TRPM6: variants seen among roughly 807,000 people sequenced by gnomAD.
TRPM6 encodes the protein channel kinase 2.
TRPM6 carries 111 observed loss-of-function variants against 247.6 expected under a neutral mutation model. The ratio of observed to expected loss-of-function variants is 0.45; its 90% CI spans 0.38 to 0.52. The LOEUF is 0.52. Ranked by LOEUF, TRPM6 falls within the 20% of genes least tolerant of loss-of-function variation. The pLI is 0.00. For synonymous variants in TRPM6, 892 were observed against 853.8 expected (o/e 1.04, Z -0.78); for missense variants, 2,126 against 2,421.5 (o/e 0.88, Z 2.56).
chr9:74,749,631 A>G (rs1826171604), intron 30 of TRPM6, among the ~76,000 whole-genome samples: 1 of 152,240 alleles, frequency 6.6e-6, no homozygotes, highest in South Asian at 2.1e-4. Flanking sequence ...TGCCCTGCTC[A>G]AATGCACAAG....
intron 6 of TRPM6, among the ~76,000 whole-genome samples, chr9:74,833,046 G>A (rs978614129): frequency 2.7e-5 from 4 of 149,110 alleles, no homozygotes; most frequent in South Asian, 2.1e-4. Context: ...GCGAGACTCC[G>A]TCTCAGGAAA....
intron 19 of TRPM6, among the ~76,000 whole-genome samples, chr9:74,792,125 T>A (rs1431561487): frequency 6.6e-6 from 1 of 152,224 alleles, no homozygotes; most frequent in African/African-American, 2.4e-5. Context: ...GCTATTAATT[T>A]GGTTGTTCCA....
intron 14 of TRPM6, chr9:74,804,464 A>G (rs1429541724): frequency 1.6e-6 from 1 of 620,556 alleles, no homozygotes; most frequent in African/African-American, 1.8e-5. Flanking sequence ...AAAATATGAT[A>G]AAAACCATAA....
chr9:74,865,491 C>T (rs978627907), intron 1 of TRPM6, among the ~76,000 whole-genome samples: 1 of 152,044 alleles, frequency 6.6e-6, no homozygotes, highest in Non-Finnish European at 1.5e-5. Context: ...TACAACTGTC[C>T]CTCGATAGTA....
At chr9:74,866,313 C>T (rs977522549) in intron 1 of TRPM6, among the ~76,000 whole-genome samples, 1 of 152,058 alleles carries the variant, frequency 6.6e-6, no homozygotes, top group African/African-American at 2.4e-5. Flanking sequence ...TTGGGGGACA[C>T]TCATACCACG....
intron 28 of TRPM6, among the ~76,000 whole-genome samples, chr9:74,754,449 T>C (rs537402105): frequency 1.3e-5 from 2 of 152,194 alleles, no homozygotes; most frequent in Admixed American, 1.3e-4. Flanking sequence ...CCCTGGCCTC[T>C]ACTCACTAGG....
chr9:74,825,317 T>C (rs938983039), intron 7 of TRPM6, among the ~76,000 whole-genome samples: 28 of 152,122 alleles, frequency 1.8e-4, no homozygotes, highest in African/African-American at 6.8e-4. Flanking sequence ...TTTCATGCCA[T>C]CAAAAATAAA....
chr9:74,780,454 CAA>C (rs200558762), intron 23 of TRPM6, among the ~76,000 whole-genome samples: 2 of 116,660 alleles, frequency 1.7e-5, no homozygotes. Context: ...AACTCCGTCT[CAA>C]AAAAAAAAAA....
intron 1 of TRPM6, among the ~76,000 whole-genome samples, chr9:74,872,620 G>GTGTGTGTGTGTGTGTGTT (rs1274647785): frequency 4.6e-5 from 7 of 151,826 alleles, no homozygotes; most frequent in African/African-American, 1.7e-4. Flanking sequence ...GTGTGTGTGT[G>GTGTGTGTGTGTGTGTGTT]TGTGCATGCG....
In TRPM6 at chr9:74,816,736, A is replaced by G; in HGVS notation, c.1241T>C (p.Leu414Pro). The G allele has an allele frequency of 6.2e-7, 1 of 1,614,226 alleles. No individual in the cohort carries two copies. Among genetic ancestry groups the G allele is most frequent in the Non-Finnish European group, 8.5e-7 (1 of 1,180,030 alleles). The change falls in exon 11 of 39, where the codon CTG (leucine) becomes CCG (proline). Residue 414 changes from leucine to proline, a missense_variant. Coordinates refer to ENST00000360774, the MANE Select transcript of TRPM6 (RefSeq NM_017662.5). Reference protein sequence around the residue: ...TNLSASEQLNLAMAWDRVDIA... With the variant: ...TNLSASEQLNPAMAWDRVDIA... ...GTCCACCCTGTCCCAAGCCATTGCC[A>G]GATTTAATTGCTCTGACGCTGATAA...
rs1828290273 is a variant in TRPM6 at position 74,800,587 on chromosome 9, G to A, written c.2010-105C>T. On this transcript the variant is annotated intron_variant, in intron 16 of 38. Coordinates refer to ENST00000360774, the MANE Select transcript of TRPM6 (RefSeq NM_017662.5). ...AACATTGTAAAAGATTGGATGTGAG[G>A]CTCAGAAAATATCAATTCATAAGGC... 1.5e-5 allele frequency: 12 copies of A among 823,296 alleles called. No individual in the cohort carries two copies. The South Asian group carries it at 1.7e-4, about 12-fold the overall frequency. 51.0% of individuals were successfully genotyped at this position (823,296 alleles called of 1,614,324 possible).
In TRPM6 at chr9:74,722,847, G is replaced by T. The variant is rs1053932486; in HGVS notation, c.*1766C>A. The T allele has an allele frequency of 2.0e-5, 3 of 152,116 alleles. No homozygotes were observed. Among genetic ancestry groups the T allele is most frequent in the Admixed American group, 6.5e-5 (1 of 15,272 alleles). The allele number at this position is 152,116 out of a possible 1,614,324, so 9.4% of individuals were successfully genotyped here. A position where few individuals can be genotyped will look rare whatever the true frequency, so the allele number is the denominator to read the frequency against. ...GCAATCATTGGCAAACTAAATTCTT[G>T]GTTTTCCACCTTCCTTTTCAACATT... On this transcript the variant is annotated 3_prime_UTR_variant, in exon 39 of 39. Transcript: ENST00000360774.
At chr9:74,727,254 C>T (rs1247019109) in intron 38 of TRPM6, among the ~76,000 whole-genome samples, 1 of 151,890 alleles carries the variant, frequency 6.6e-6, no homozygotes, top group East Asian at 1.9e-4. Context: ...TGGTGGTGAG[C>T]ACTTGTAATC....
chr9:74,804,146 C>T (rs1397271057), intron 14 of TRPM6, among the ~76,000 whole-genome samples: 4 of 152,098 alleles, frequency 2.6e-5, no homozygotes, highest in African/African-American at 7.2e-5. Context: ...TCTTTTGTTC[C>T]CTATTATATA....
intron 8 of TRPM6, 38 bp from the exon 9 acceptor site, chr9:74,820,465 A>C (rs770977519): frequency 6.2e-7 from 1 of 1,613,432 alleles, no homozygotes; most frequent in Non-Finnish European, 8.5e-7. Context: ...CAACCCAGAG[A>C]GGGGAATGAG....
chr9:74,810,761 C>A, intron 13 of TRPM6, 54 bp downstream of exon 13: 1 of 1,539,280 alleles, frequency 6.5e-7, no homozygotes, highest in South Asian at 1.1e-5. Context: ...ACTCCTCCAA[C>A]ACAAAGCTAA....
intron 19 of TRPM6, among the ~76,000 whole-genome samples, chr9:74,790,567 A>G (rs999205390): frequency 6.6e-6 from 1 of 152,152 alleles, no homozygotes; most frequent in South Asian, 2.1e-4. Flanking sequence ...TCTCCCCTAC[A>G]TAACTGTAAG....
intron 31 of TRPM6, among the ~76,000 whole-genome samples, chr9:74,744,934 T>C (rs1825984625): frequency 6.6e-6 from 1 of 152,110 alleles, no homozygotes; most frequent in East Asian, 1.9e-4. Flanking sequence ...TTAGGGAGTG[T>C]TGGCAAAAAG....
intron 31 of TRPM6, 151 bp downstream of exon 31, chr9:74,747,737 CT>C (rs758726807): frequency 7.8e-6 from 5 of 640,242 alleles, no homozygotes; most frequent in Non-Finnish European, 1.3e-5. Context: ...AGATATTCAA[CT>C]TTCTACTCTT....
Sources: gnomAD v4.1 joint callset for allele counts (sites outside exome capture counted in the v4.1 genomes callset) on GRCh38, gnomAD v4.1.1 for gene constraint, MANE v1.5 for transcripts, NCBI Gene and HGNC (gene_info 2026-07-23, HGNC 2026-07-21) for gene names.